The following GULP1 variants were observed in gnomAD, a reference collection of about 807,000 sequenced individuals.
GULP1 encodes the protein PTB domain-containing engulfment adapter protein 1.
Under a neutral mutation model 40.9 loss-of-function variants are expected in GULP1, and 19 were observed. The observed-to-expected ratio is 0.46, with a 90% confidence interval of 0.32 to 0.68. The LOEUF (loss-of-function observed/expected upper bound fraction) is 0.68, where lower values mean the gene tolerates loss of function less well. Among genes scored for constraint, GULP1 ranks in the 30% least tolerant of loss-of-function variants. GULP1 has a pLI of 0.03. For missense variants in GULP1, 312 were observed against 362.2 expected, an observed-to-expected ratio of 0.86 and a Z score of 1.12; for synonymous variants, 119 against 117.6, an observed-to-expected ratio of 1.01 and a Z score of -0.08.
At chr2:188,533,415 C>T (rs1688076719) in intron 6 of GULP1, among the ~76,000 whole-genome samples, 2 of 152,226 alleles carry the variant, frequency 1.3e-5, no homozygotes, top group Admixed American at 1.3e-4. Flanking sequence ...GCTGGGATAC[C>T]TGGCTAGCCA....
At chr2:188,360,852 G>A (rs2045976689) in intron 1 of GULP1, among the ~76,000 whole-genome samples, 1 of 152,032 alleles carries the variant, frequency 6.6e-6, no homozygotes, top group Non-Finnish European at 1.5e-5. Context: ...GAATTGAAAA[G>A]TAAATAGCCC....
chr2:188,370,173 T>C (rs1025655496), intron 1 of GULP1, among the ~76,000 whole-genome samples: 11 of 152,086 alleles, frequency 7.2e-5, no homozygotes, highest in African/African-American at 2.4e-4. Context: ...AAGGCTTATG[T>C]TGATTGTCTT....
intron 2 of GULP1, among the ~76,000 whole-genome samples, chr2:188,432,664 G>GA (rs948496292): frequency 2.0e-5 from 3 of 151,560 alleles, no homozygotes; most frequent in East Asian, 1.9e-4. Flanking sequence ...AATAAATTCA[G>GA]AAAAAAATGT....
chr2:188,524,750 A>C (rs1475151562), intron 5 of GULP1, among the ~76,000 whole-genome samples: 1 of 151,802 alleles, frequency 6.6e-6, no homozygotes, highest in East Asian at 1.9e-4. Context: ...AAAAGAGAAA[A>C]AAGAACCTTG....
intron 1 of GULP1, among the ~76,000 whole-genome samples, chr2:188,321,204 T>G (rs1166982557): frequency 6.6e-6 from 1 of 152,172 alleles, no homozygotes; most frequent in African/African-American, 2.4e-5. Flanking sequence ...AATGCGAAAT[T>G]CAAGCATTGT....
At chr2:188,297,465 G>T in intron 1 of GULP1, 1 of 471,944 alleles carries the variant, frequency 2.1e-6, no homozygotes. Flanking sequence ...TTAATATTAG[G>T]TGTTACAGTT....
chr2:188,499,267 G>A (rs1269837689), intron 4 of GULP1, among the ~76,000 whole-genome samples: 1 of 149,404 alleles, frequency 6.7e-6, no homozygotes, highest in East Asian at 2.0e-4. Flanking sequence ...TTTCACATAA[G>A]CAATTCTCTT....
At chr2:188,496,822 G>T (rs1283696029) in intron 4 of GULP1, among the ~76,000 whole-genome samples, 2 of 151,870 alleles carry the variant, frequency 1.3e-5, no homozygotes, top group African/African-American at 2.4e-5. Context: ...AACACCATCC[G>T]CCTTGATGTT....
intron 4 of GULP1, among the ~76,000 whole-genome samples, chr2:188,505,601 A>G (rs1426835657): frequency 6.6e-6 from 1 of 151,768 alleles, no homozygotes; most frequent in East Asian, 1.9e-4. Context: ...AAATATTCTC[A>G]ACCAAATAGA....
chr2:188,515,206 T>G (rs1051241181), intron 4 of GULP1, among the ~76,000 whole-genome samples: 2 of 152,178 alleles, frequency 1.3e-5, no homozygotes, highest in Non-Finnish European at 2.9e-5. Flanking sequence ...TTGCTATATC[T>G]GGCAACCGCA....
intron 2 of GULP1, among the ~76,000 whole-genome samples, chr2:188,429,740 GC>G (rs552345011): frequency 4.6e-5 from 7 of 151,610 alleles, no homozygotes; most frequent in Non-Finnish European, 1.0e-4. Context: ...ACGGAGTCTC[GC>G]TCTGTTGCCC....
chr2:188,555,752 C>T (rs1559374736), intron 7 of GULP1, among the ~76,000 whole-genome samples: 2 of 152,058 alleles, frequency 1.3e-5, no homozygotes, highest in South Asian at 4.1e-4. Flanking sequence ...TTTATATCTC[C>T]TGCTAGACTT....
chr2:188,571,622 A>AT (rs1371527860), intron 9 of GULP1, among the ~76,000 whole-genome samples: 6 of 151,858 alleles, frequency 4.0e-5, no homozygotes, highest in Admixed American at 6.6e-5. Context: ...CAGGATTATG[A>AT]TTTTTTTCTT....
intron 1 of GULP1, among the ~76,000 whole-genome samples, chr2:188,319,568 A>G (rs1179686089): frequency 1.3e-5 from 2 of 152,188 alleles, no homozygotes; most frequent in Non-Finnish European, 2.9e-5. Context: ...CTAGCATCTC[A>G]TAGGAATGGG....
chr2:188,539,148 A>T (rs1413136948), intron 6 of GULP1, among the ~76,000 whole-genome samples: 2 of 152,138 alleles, frequency 1.3e-5, no homozygotes, highest in Non-Finnish European at 2.9e-5. Context: ...TAGAAATGAG[A>T]GTAAATGAGA....
intron 2 of GULP1, among the ~76,000 whole-genome samples, chr2:188,436,694 G>T (rs1418112817): frequency 1.3e-5 from 2 of 151,880 alleles, no homozygotes; most frequent in African/African-American, 4.8e-5. Context: ...TTCATAATAT[G>T]TGCACTAATT....
At chr2:188,442,363 T>C (rs922642791) in intron 2 of GULP1, among the ~76,000 whole-genome samples, 4 of 152,296 alleles carry the variant, frequency 2.6e-5, no homozygotes, top group Middle Eastern at 3.4e-3. Flanking sequence ...TCATTAACAT[T>C]AATAGCCACA....
At chr2:188,553,738 A>G (rs1457800481) in intron 7 of GULP1, among the ~76,000 whole-genome samples, 1 of 151,820 alleles carries the variant, frequency 6.6e-6, no homozygotes, top group Non-Finnish European at 1.5e-5. Context: ...GGTATTAGTT[A>G]TTTGCATATT....
chr2:188,541,981 G>A (rs540414116), intron 7 of GULP1: 5 of 152,554 alleles, frequency 3.3e-5, no homozygotes, highest in African/African-American at 1.2e-4. Context: ...GGTGGTGTGT[G>A]CCAGTGGTCC....
Sources: allele counts gnomAD v4.1 joint callset (sites outside exome capture counted in the v4.1 genomes callset), GRCh38; gene constraint gnomAD v4.1.1; transcripts MANE v1.5; gene names NCBI Gene and HGNC (gene_info 2026-07-23, HGNC 2026-07-21).